Variants in KLC1 observed in about 807,000 individuals in gnomAD.
KLC1 encodes the protein kinesin 2 60/70kDa.
KLC1 carries 30 observed loss-of-function variants against 84.2 expected under a neutral mutation model. The ratio of observed to expected loss-of-function variants is 0.36; its 90% CI spans 0.27 to 0.48. The LOEUF is 0.48. KLC1 is among the 20% of genes least tolerant of loss of function. The pLI, the probability that KLC1 is intolerant of heterozygous loss-of-function variation, is 0.99. For synonymous variants in KLC1, 289 were observed against 293.3 expected, an observed-to-expected ratio of 0.99 and a Z score of 0.15; for missense variants, 499 against 805.4, an observed-to-expected ratio of 0.62 and a Z score of 4.60.
chr14:103,650,792 C>T (rs1278448331), intron 1 of KLC1, among the ~76,000 whole-genome samples: 3 of 151,660 alleles, frequency 2.0e-5, no homozygotes, highest in Non-Finnish European at 4.4e-5. Context: ...GTTGGCCAGG[C>T]TTGTCTGGAA....
intron 1 of KLC1, among the ~76,000 whole-genome samples, chr14:103,636,008 A>AT (rs1240443743): frequency 3.3e-5 from 5 of 151,996 alleles, no homozygotes; most frequent in Non-Finnish European, 5.9e-5. Flanking sequence ...CGCCACTTCA[A>AT]TTTTTTTCAA....
At chr14:103,659,127 A>G (rs2079076688) in intron 3 of KLC1, among the ~76,000 whole-genome samples, 2 of 151,392 alleles carry the variant, frequency 1.3e-5, no homozygotes, top group South Asian at 2.1e-4. Context: ...ACAGGTGCGT[A>G]CCGCCACGAC....
At position 103,685,494 on chromosome 14, in the gene KLC1, A is replaced by G. The variant is rs1243348555; in HGVS notation, c.1651-1587A>G. 1.2e-5 allele frequency: 15 copies of G among 1,259,488 alleles called. No individual in the cohort carries two copies. The East Asian group carries it at 7.8e-4, about 66-fold the overall frequency. The allele number at this position is 1,259,488 out of a possible 1,614,324, so 78.0% of individuals were successfully genotyped here. On this transcript the variant is annotated intron_variant, in intron 13 of 16. Coordinates refer to ENST00000334553, the MANE Select transcript of KLC1 (RefSeq NM_001394837.1). ...ATGCTGGACTGGTAGAAGCAGGCAG[A>G]AGGTCATCCCAGTCCTAAAGCCACT...
chr14:103,695,161 T>C (rs1352003503), intron 15 of KLC1: 4 of 907,448 alleles, frequency 4.4e-6, no homozygotes, highest in African/African-American at 1.8e-5. Context: ...TGTTAAATTA[T>C]ATATATATAT....
intron 13 of KLC1, chr14:103,685,631 C>A (rs1223864871): frequency 7.8e-7 from 1 of 1,289,410 alleles, no homozygotes; most frequent in East Asian, 5.5e-5. Context: ...TCCTTTCTGT[C>A]TGACAGGCCT....
intron 9 of KLC1, among the ~76,000 whole-genome samples, chr14:103,674,623 C>T (rs1005346963): frequency 5.9e-5 from 9 of 152,074 alleles, no homozygotes; most frequent in Non-Finnish European, 4.4e-5. Context: ...CCATGTTGGC[C>T]AGACTGGTCT....
At chr14:103,636,250 T>C (rs965577900) in intron 1 of KLC1, among the ~76,000 whole-genome samples, 1 of 152,208 alleles carries the variant, frequency 6.6e-6, no homozygotes, top group East Asian at 1.9e-4. Context: ...AGATGGAGTT[T>C]CACTCTTGTT....
chr14:103,699,054 TTGG>T (rs763255103), intron 15 of KLC1: 20 of 1,565,476 alleles, frequency 1.3e-5, no homozygotes, highest in Admixed American at 5.6e-5. Flanking sequence ...GCGCTCAGGC[TTGG>T]TGGCCCCGCC....
chr14:103,682,099 G>T (rs1244094817), intron 13 of KLC1, among the ~76,000 whole-genome samples: 2 of 152,074 alleles, frequency 1.3e-5, no homozygotes, highest in South Asian at 2.1e-4. Context: ...TGCCGGGCGC[G>T]GTGGCTCACA....
chr14:103,657,552 A>G lies in KLC1; in HGVS notation c.268A>G (p.Met90Val). 2.5e-6 allele frequency: 4 copies of G among 1,613,658 alleles called. No individual in the cohort carries two copies. Among genetic ancestry groups the G allele is most frequent in the Non-Finnish European group, 2.5e-6 (3 of 1,179,560 alleles). Reference sequence around the variant, plus strand: ...CACGTTTCTGTCTGCTCAGGTTATGATGGCTTTGTCAAATCACCTGAATGC... The same window carrying G: ...CACGTTTCTGTCTGCTCAGGTTATGGTGGCTTTGTCAAATCACCTGAATGC... Reference protein sequence around the residue: ...ELGLSEAQVMMALSNHLNAVE... With the variant: ...ELGLSEAQVMVALSNHLNAVE... Residue 90 changes from methionine to valine, a missense_variant, in exon 3 of 17, where the codon ATG becomes GTG. Physicochemically the swap from Met to Val is conservative, Grantham distance 21. Around this residue, in one of 3 missense-constraint regions of KLC1, gnomAD observed 179 missense variants for 264.2 expected, o/e 0.68. Coordinates refer to ENST00000334553, the MANE Select transcript of KLC1 (RefSeq NM_001394837.1).
At chr14:103,654,522 C>A in intron 1 of KLC1, 42 bp from the exon 2 acceptor site, 2 of 1,501,750 alleles carry the variant, frequency 1.3e-6, no homozygotes, top group Non-Finnish European at 8.9e-7. Flanking sequence ...GAAATGAAAC[C>A]TGTAATGAGG....
chr14:103,695,574 CCAGA>C (rs2082401138), intron 15 of KLC1: 4 of 985,142 alleles, frequency 4.1e-6, no homozygotes, highest in East Asian at 1.1e-4. Context: ...AGTTTGGAAC[CCAGA>C]CAGTTTCCCT....
intron 13 of KLC1, chr14:103,685,921 G>T (rs1217330872): frequency 1.2e-5 from 13 of 1,119,806 alleles, no homozygotes; most frequent in Non-Finnish European, 1.4e-5. Context: ...AATTAAGAGC[G>T]ATTAGCTGTT....
chr14:103,655,475 T>A (rs972838945), intron 2 of KLC1, among the ~76,000 whole-genome samples: 1 of 151,286 alleles, frequency 6.6e-6, no homozygotes. Context: ...GCTAATTTTG[T>A]ATTTTTAGTA....
In KLC1 at chr14:103,696,790, T is replaced by C. The variant is rs764628786; in HGVS notation, c.1849-3865T>C. The C allele has an allele frequency of 1.2e-3, 1,142 of 985,400 alleles. 4 individuals carry two copies. Among genetic ancestry groups the C allele is most frequent in the Non-Finnish European group, 1.3e-3 (1,046 of 829,890 alleles). 61.0% of individuals were successfully genotyped at this position (985,400 alleles called of 1,614,324 possible). A position where few individuals can be genotyped will look rare whatever the true frequency, so the allele number is the denominator to read the frequency against. On this transcript the variant is annotated intron_variant, in intron 15 of 16. Transcript: ENST00000334553. The stretch of plus-strand genomic sequence containing the variant: ...AGGCAATGAGGGTCAGGGCGCGTGG[T>C]CCCTGAGGGAGGGTCTTCAGGGCAA...
chr14:103,697,094 A>G (rs2082593267), intron 15 of KLC1: 4 of 985,480 alleles, frequency 4.1e-6, no homozygotes, highest in Non-Finnish European at 4.8e-6. Context: ...TTGCCTAGAA[A>G]AGCATTTGGA....
chr14:103,652,403 C>T (rs912659141), intron 1 of KLC1, among the ~76,000 whole-genome samples: 1 of 152,120 alleles, frequency 6.6e-6, no homozygotes, highest in African/African-American at 2.4e-5. Context: ...CCCAGCCTGG[C>T]ACACCATGGA....
chr14:103,694,640 T>C lies in KLC1; in HGVS notation c.1848+2215T>C. On this transcript the variant is annotated intron_variant, in intron 15 of 16. Transcript: ENST00000334553. The surrounding 1 kb of genome is among the most constrained non-coding windows in gnomAD (Gnocchi z 4.5). ...AAGGCTGACGCTCAGCAGCGCCACCTCCATGCCAGCCAACTAGGCTACGGG... is the reference window on the plus strand; with the variant it reads ...AAGGCTGACGCTCAGCAGCGCCACCCCCATGCCAGCCAACTAGGCTACGGG... The C allele has an allele frequency of 2.0e-6, 2 of 985,458 alleles. No individual in the cohort carries two copies. Among genetic ancestry groups the C allele is most frequent in the Non-Finnish European group, 1.2e-6 (1 of 829,934 alleles). The allele number at this position is 985,458 out of a possible 1,614,324, so 61.0% of individuals were successfully genotyped here. A position where few individuals can be genotyped will look rare whatever the true frequency, so the allele number is the denominator to read the frequency against.
chr14:103,699,523 G>A (rs780813014), intron 15 of KLC1: 2 of 1,613,434 alleles, frequency 1.2e-6, no homozygotes, highest in South Asian at 1.1e-5. Context: ...GGCGAGCCAT[G>A]CCCCGAGACA....
Sources: gnomAD v4.1 joint callset for allele counts (sites outside exome capture counted in the v4.1 genomes callset) on GRCh38, gnomAD v4.1.1 for gene constraint, gnomAD v4.1.1 regional missense constraint, Gnocchi (gnomAD v3.1) non-coding constraint, MANE v1.5 for transcripts, NCBI Gene and HGNC (gene_info 2026-07-23, HGNC 2026-07-21) for gene names.